DIP2B: variants seen among roughly 807,000 people sequenced by gnomAD.
DIP2B encodes disco-interacting protein 2 homolog B.
In DIP2B, 76 loss-of-function variants were observed where a neutral mutation model predicts 198.0. The ratio of observed to expected loss-of-function variants is 0.38; its 90% CI spans 0.32 to 0.46. The LOEUF (loss-of-function observed/expected upper bound fraction) is 0.46, where lower values mean the gene tolerates loss of function less well. DIP2B is among the 20% of genes least tolerant of loss of function. The pLI is 0.99. For synonymous variants in DIP2B, 701 were observed against 739.1 expected (o/e 0.95, Z 0.84); for missense variants, 1,559 against 1,978.4 (o/e 0.79, Z 4.02).
rs535135208 is a variant in DIP2B at position 50,591,442 on chromosome 12, A to AT, written c.101-34526dup. Among the ~76,000 whole-genome samples, 456 of 151,166 alleles carry AT rather than the reference A, an allele frequency of 3.0e-3. 1 individual carries two copies. Among genetic ancestry groups the AT allele is most frequent in the Middle Eastern group, 0.027 (8 of 294 alleles). On this transcript the variant is annotated intron_variant, in intron 1 of 37. Transcript: ENST00000301180. ...GGTGAGATCCAAATTATGCATGATA[A>AT]TTTTTTTTAATTTATTTGAGACATT...
intron 23 of DIP2B, among the ~76,000 whole-genome samples, chr12:50,717,501 G>C (rs1939749729): frequency 6.6e-6 from 1 of 151,442 alleles, no homozygotes; most frequent in African/African-American, 2.4e-5. Flanking sequence ...AAGCAGCTAG[G>C]ACTACAGGCA....
chr12:50,653,340 T>TTC (rs1938492951), intron 3 of DIP2B, among the ~76,000 whole-genome samples: 1 of 137,788 alleles, frequency 7.3e-6, no homozygotes, highest in African/African-American at 2.7e-5. Flanking sequence ...TTTTTTTTTT[T>TTC]CTTTTCTTTT....
intron 1 of DIP2B, among the ~76,000 whole-genome samples, chr12:50,616,035 C>T (rs529731846): frequency 6.6e-6 from 1 of 152,344 alleles, no homozygotes; most frequent in African/African-American, 2.4e-5. Flanking sequence ...GATGATGAGA[C>T]TTACAGATCA....
intron 1 of DIP2B, among the ~76,000 whole-genome samples, chr12:50,545,201 G>T (rs573935744): frequency 6.6e-6 from 1 of 152,270 alleles, no homozygotes; most frequent in East Asian, 1.9e-4. Flanking sequence ...TTCAGCTTCA[G>T]TGGTATTACC....
intron 1 of DIP2B, among the ~76,000 whole-genome samples, chr12:50,545,653 CTT>C (rs1226217235): frequency 6.6e-6 from 1 of 150,386 alleles, no homozygotes; most frequent in African/African-American, 2.4e-5. Context: ...ACACCTGTAA[CTT>C]TTATTTTTTG....
intron 19 of DIP2B, among the ~76,000 whole-genome samples, chr12:50,703,182 C>T (rs568166604): frequency 3.5e-4 from 53 of 151,152 alleles, no homozygotes; most frequent in Admixed American, 3.5e-3. Flanking sequence ...ATGATTGCAC[C>T]ATTGCACTCC....
intron 21 of DIP2B, among the ~76,000 whole-genome samples, chr12:50,707,550 C>T (rs964932774): frequency 6.6e-6 from 1 of 152,228 alleles, no homozygotes; most frequent in Non-Finnish European, 1.5e-5. Flanking sequence ...CATTGGGTGC[C>T]AACACTGTGC....
At chr12:50,644,119 G>A (rs1033007636) in intron 3 of DIP2B, among the ~76,000 whole-genome samples, 1 of 152,096 alleles carries the variant, frequency 6.6e-6, no homozygotes, top group Non-Finnish European at 1.5e-5. Context: ...ACAGTATAAA[G>A]AACTTACCTT....
At chr12:50,572,696 TA>T (rs1298301225) in intron 1 of DIP2B, among the ~76,000 whole-genome samples, 2 of 152,218 alleles carry the variant, frequency 1.3e-5, no homozygotes, top group African/African-American at 4.8e-5. Context: ...ATCAATTCTG[TA>T]AGCTGAAAAG....
At position 50,513,746 on chromosome 12, in the gene DIP2B, C is replaced by T. The variant is rs965463084; in HGVS notation, c.100+8506C>T. Among the ~76,000 whole-genome samples, 11 of 151,970 alleles carry T rather than the reference C, an allele frequency of 7.2e-5. No individual in the cohort carries two copies. In the East Asian group the frequency reaches 2.0e-3, roughly 27 times the overall value. ...CAAACTAGCCGGGCATGGTGGCAGGCGCCTGTAATCCCAACTACTCGGGAG... is the reference window on the plus strand; with the variant it reads ...CAAACTAGCCGGGCATGGTGGCAGGTGCCTGTAATCCCAACTACTCGGGAG... On this transcript the variant is annotated intron_variant, in intron 1 of 37. Transcript: ENST00000301180.
At chr12:50,719,885 AAT>A (rs1939802876) in intron 25 of DIP2B, among the ~76,000 whole-genome samples, 1 of 147,612 alleles carries the variant, frequency 6.8e-6, no homozygotes, top group Admixed American at 6.8e-5. Context: ...TAAATATAAT[AAT>A]ATATATTACA....
In DIP2B at chr12:50,680,300, C is replaced by G. The variant is rs140158307; in HGVS notation, c.1115-372C>G. On this transcript the variant is annotated intron_variant, in intron 8 of 37. Coordinates refer to ENST00000301180, the MANE Select transcript of DIP2B (RefSeq NM_173602.3). ...AAAAAAAACTTAGAACAGAAGTATT[C>G]TTCTGATTTTCAGTCTTGTAATTAA... 749 of 144,334 alleles carry G rather than the reference C, an allele frequency of 5.2e-3. 1 individual carries two copies. Among genetic ancestry groups the G allele is most frequent in the African/African-American group, 0.018 (722 of 39,236 alleles). The allele number at this position is 144,334 out of a possible 1,614,324, so 8.9% of individuals were successfully genotyped here.
chr12:50,739,907 C>T (rs749790638), intron 36 of DIP2B, among the ~76,000 whole-genome samples: 2 of 152,232 alleles, frequency 1.3e-5, no homozygotes, highest in Non-Finnish European at 2.9e-5. Flanking sequence ...AGCATTACAT[C>T]TTATAGCTCT....
chr12:50,728,860 TTTG>T (rs1239572499), intron 30 of DIP2B, among the ~76,000 whole-genome samples, 182 bp downstream of exon 30: 1 of 152,212 alleles, frequency 6.6e-6, no homozygotes, highest in Non-Finnish European at 1.5e-5. Flanking sequence ...CTGTATTCCC[TTTG>T]TTATTTTCTG....
rs564492736 is a variant in DIP2B, at chr12:50,508,032, T to C, written c.100+2792T>C. Among the ~76,000 whole-genome samples, 19 of 152,320 alleles carry C rather than the reference T, an allele frequency of 1.2e-4. No homozygotes were observed. In the East Asian group the frequency reaches 3.5e-3, roughly 28 times the overall value. On this transcript the variant is annotated intron_variant, in intron 1 of 37. Transcript: ENST00000301180. ...TATTTTCAGCTGCAGGCTTTGGTAA[T>C]AGATCAGCCAACTCTGTGCTGAAAT...
chr12:50,692,146 G>A (rs1939233324), intron 13 of DIP2B, among the ~76,000 whole-genome samples: 2 of 152,102 alleles, frequency 1.3e-5, no homozygotes, highest in East Asian at 3.9e-4. Flanking sequence ...AAGATATGAA[G>A]AAATTGTTTC....
At chr12:50,663,994 T>C (rs1200537321) in intron 4 of DIP2B, among the ~76,000 whole-genome samples, 2 of 152,112 alleles carry the variant, frequency 1.3e-5, no homozygotes, top group East Asian at 3.9e-4. Flanking sequence ...CTGCCTGAGA[T>C]GTTACAGCAT....
chr12:50,648,295 A>G (rs376517779), intron 3 of DIP2B, among the ~76,000 whole-genome samples: 15 of 152,330 alleles, frequency 9.8e-5, no homozygotes, highest in African/African-American at 3.1e-4. Flanking sequence ...ATTTGGAGAT[A>G]TGTTTACTGG....
chr12:50,517,211 A>G (rs11169472), intron 1 of DIP2B, among the ~76,000 whole-genome samples: 143,340 of 151,936 alleles, frequency 0.94, 68,182 homozygotes, highest in East Asian at 1. Flanking sequence ...GAGCCACCGC[A>G]CCCGACCAAA....
Sources: allele counts gnomAD v4.1 joint callset (sites outside exome capture counted in the v4.1 genomes callset), GRCh38; gene constraint gnomAD v4.1.1; transcripts MANE v1.5; gene names NCBI Gene and HGNC (gene_info 2026-07-23, HGNC 2026-07-21).